The following TAF1A variants were observed in gnomAD, a reference collection of about 807,000 sequenced individuals.
The protein encoded by TAF1A is TATA box-binding protein-associated factor RNA polymerase I subunit A.
In TAF1A, 42 loss-of-function variants were observed where a neutral mutation model predicts 61.6. The ratio of observed to expected loss-of-function variants is 0.68; its 90% CI spans 0.53 to 0.88. TAF1A has a LOEUF of 0.88. Among genes scored for constraint, TAF1A ranks in the 40% least tolerant of loss-of-function variants. The pLI is 0.00. For synonymous variants in TAF1A, 179 were observed against 177.7 expected (o/e 1.01, Z -0.06); for missense variants, 424 against 518.7 (o/e 0.82, Z 1.77).
intron 2 of TAF1A, 148 bp from the exon 3 acceptor site, chr1:222,584,445 G>A: frequency 3.3e-6 from 2 of 614,434 alleles, no homozygotes; most frequent in South Asian, 5.0e-5. Flanking sequence ...AGCTTCACTT[G>A]AAACAAACCC....
chr1:222,582,641 C>A (rs1379070955), intron 3 of TAF1A, among the ~76,000 whole-genome samples: 1 of 152,196 alleles, frequency 6.6e-6, no homozygotes, highest in African/African-American at 2.4e-5. Flanking sequence ...AAAACCTGTA[C>A]ACAAATGTTC....
chr1:222,582,106 T>C (rs1361763005), intron 3 of TAF1A, among the ~76,000 whole-genome samples: 1 of 152,208 alleles, frequency 6.6e-6, no homozygotes. Flanking sequence ...AGCAAAGGTG[T>C]CACTATCTCA....
At chr1:222,573,341 T>C (rs1660438232) in intron 5 of TAF1A, among the ~76,000 whole-genome samples, 3 of 152,088 alleles carry the variant, frequency 2.0e-5, no homozygotes, top group Non-Finnish European at 4.4e-5. Flanking sequence ...TATTTCCAAG[T>C]CATGAATCTG....
intron 4 of TAF1A, among the ~76,000 whole-genome samples, 180 bp downstream of exon 4, chr1:222,579,579 G>A (rs543244913): frequency 3.9e-5 from 6 of 152,208 alleles, no homozygotes; most frequent in South Asian, 2.1e-4. Context: ...CACAGGAGGC[G>A]CCTGAAAATC....
chr1:222,558,629 G>A lies in TAF1A; in HGVS notation c.*31C>T. 2.4e-6 allele frequency: 3 copies of A among 1,231,764 alleles called. No homozygotes were observed. The highest frequency in any genetic ancestry group is 3.4e-6 in the Non-Finnish European group (3 of 880,662). The allele number at this position is 1,231,764 out of a possible 1,614,324, so 76.3% of individuals were successfully genotyped here. A position where few individuals can be genotyped will look rare whatever the true frequency, so the allele number is the denominator to read the frequency against. On this transcript the variant is annotated 3_prime_UTR_variant, in exon 11 of 11. Transcript: ENST00000352967. Reference sequence around the variant, plus strand: ...TATCTACCAAGCTACTTACTGTGTAGCTACAACTGTGAAATAACTAAAATT... The same window carrying A: ...TATCTACCAAGCTACTTACTGTGTAACTACAACTGTGAAATAACTAAAATT...
rs1461753743 is a variant in TAF1A at position 222,561,491 on chromosome 1, CTCT to C, written c.1110_1112del (p.Glu371del). On this transcript the variant is annotated inframe_deletion, in exon 10 of 11. Transcript: ENST00000352967. Reference sequence around the variant, plus strand: ...GCCACCAGTTTTTCCTGGAGTTCCACTCTTCTTGAACCCACGCAAGGTGGTTTC... The same window carrying C: ...GCCACCAGTTTTTCCTGGAGTTCCACTCTTGAACCCACGCAAGGTGGTTTC... 9.9e-6 allele frequency: 16 copies of C among 1,611,684 alleles called. No individual in the cohort carries two copies. The highest frequency in any genetic ancestry group is 1.4e-5 in the Non-Finnish European group (16 of 1,178,866).
chr1:222,571,671 G>C (rs1660357138), intron 5 of TAF1A, among the ~76,000 whole-genome samples: 1 of 151,932 alleles, frequency 6.6e-6, no homozygotes, highest in South Asian at 2.1e-4. Flanking sequence ...TTTTACAAAA[G>C]AGATGCAAAA....
At chr1:222,566,528 G>C (rs1660123894) in intron 7 of TAF1A, among the ~76,000 whole-genome samples, 1 of 152,190 alleles carries the variant, frequency 6.6e-6, no homozygotes, top group African/African-American at 2.4e-5. Context: ...GATCCCATCT[G>C]GGGGTGATGG....
intron 10 of TAF1A, among the ~76,000 whole-genome samples, chr1:222,560,334 T>C (rs939627045): frequency 1.3e-5 from 2 of 152,166 alleles, no homozygotes; most frequent in African/African-American, 4.8e-5. Context: ...ACTTTAGAAA[T>C]TACAAAGCAC....
intron 3 of TAF1A, among the ~76,000 whole-genome samples, chr1:222,581,691 C>T (rs899166957): frequency 1.3e-5 from 2 of 152,058 alleles, no homozygotes; most frequent in Admixed American, 6.6e-5. Flanking sequence ...TCAAAGTAGG[C>T]CTCAATGAAA....
rs776622228 is a variant in TAF1A at position 222,558,773 on chromosome 1, C to A, written c.1241-1G>T. 13 of 1,469,836 alleles carry A rather than the reference C, an allele frequency of 8.8e-6. No homozygotes were observed. Among genetic ancestry groups the A allele is most frequent in the Middle Eastern group, 1.8e-4 (1 of 5,428 alleles). 91.0% of individuals were successfully genotyped at this position (1,469,836 alleles called of 1,614,324 possible). On this transcript the variant is annotated splice_acceptor_variant, in intron 10 of 10. Transcript: ENST00000352967. LOFTEE classifies it high-confidence loss of function. ...AAAATATACCGGAAATATCTACAAC[C>A]TAAAAAGTTAAGCAAAATAAAAAGT... is the stretch of plus-strand genomic sequence containing the variant.
chr1:222,567,162 T>C (rs562240851), intron 7 of TAF1A, among the ~76,000 whole-genome samples: 1 of 152,338 alleles, frequency 6.6e-6, no homozygotes, highest in South Asian at 2.1e-4. Context: ...GGATGAACCT[T>C]GAAAACATTA....
chr1:222,560,363 T>C (rs904900835), intron 10 of TAF1A, among the ~76,000 whole-genome samples: 2 of 152,350 alleles, frequency 1.3e-5, no homozygotes, highest in South Asian at 4.1e-4. Context: ...GATGTTCACA[T>C]GATACTTACA....
At chr1:222,562,912 C>A (rs1659971551) in intron 9 of TAF1A, among the ~76,000 whole-genome samples, 1 of 152,068 alleles carries the variant, frequency 6.6e-6, no homozygotes, top group South Asian at 2.1e-4. Context: ...AAATGGAAAA[C>A]ACATACGTAT....
At position 222,589,868 on chromosome 1, in the gene TAF1A, C is replaced by A. The variant is rs1218687790; in HGVS notation, c.-144G>T. The A allele has an allele frequency of 5.1e-6, 2 of 394,504 alleles. No homozygotes were observed. Among genetic ancestry groups the A allele is most frequent in the Non-Finnish European group, 8.9e-6 (2 of 224,046 alleles). 24.4% of individuals were successfully genotyped at this position (394,504 alleles called of 1,614,324 possible). A position where few individuals can be genotyped will look rare whatever the true frequency, so the allele number is the denominator to read the frequency against. ...CTGGTTTAGGTATTTAGGCAGCGCG[C>A]GGCCCGGCTCGTAACTCCTCCTGCT... is the stretch of plus-strand genomic sequence containing the variant. On this transcript the variant is annotated 5_prime_UTR_variant, in exon 1 of 11. Coordinates refer to ENST00000352967, the MANE Select transcript of TAF1A (RefSeq NM_005681.4).
At position 222,588,480 on chromosome 1, in the gene TAF1A, C is replaced by T. The variant is rs765147875; in HGVS notation, c.84G>A (p.Met28Ile). The T allele has an allele frequency of 1.2e-6, 2 of 1,613,858 alleles. No homozygotes were observed. Among genetic ancestry groups the T allele is most frequent in the Non-Finnish European group, 1.7e-6 (2 of 1,179,942 alleles). Reference protein sequence around the residue: ...VETSVLSGAGMHFPWLQTYVE... With the variant: ...VETSVLSGAGIHFPWLQTYVE... Reference sequence around the variant, plus strand: ...CGTATGTTTGAAGCCAAGGAAAATGCATTCCTGCACCACTGAGCACAGATG... The same window carrying T: ...CGTATGTTTGAAGCCAAGGAAAATGTATTCCTGCACCACTGAGCACAGATG... The change falls in exon 2 of 11, where the codon ATG (methionine) becomes ATA (isoleucine). Residue 28 changes from methionine (M) to isoleucine (I), a missense_variant. Coordinates refer to ENST00000352967, the MANE Select transcript of TAF1A (RefSeq NM_005681.4).
intron 8 of TAF1A, 82 bp from the exon 9 acceptor site, chr1:222,563,378 C>G: frequency 7.2e-7 from 1 of 1,390,478 alleles, no homozygotes; most frequent in East Asian, 2.4e-5. Context: ...ATTTTATCAA[C>G]TGTATATATA....
At chr1:222,583,092 C>T (rs1031640191) in intron 3 of TAF1A, among the ~76,000 whole-genome samples, 2 of 152,042 alleles carry the variant, frequency 1.3e-5, no homozygotes, top group Admixed American at 1.3e-4. Context: ...GGCTGAGGTA[C>T]AAGAATCACT....
rs371630309 is a variant in TAF1A at position 222,579,816 on chromosome 1, C to G, written c.348G>C (p.Glu116Asp). The change falls in exon 4 of 11, where the codon GAG becomes GAC. Residue 116 changes from glutamate to aspartate, a missense_variant. Physicochemically the swap from Glu to Asp is conservative, Grantham distance 45. Transcript: ENST00000352967. ...TCCGGTTAGCAAAAGTATTGAAACTCTCCATGTTGCTTTTGGGATGATAAA... is the reference window on the plus strand; with the variant it reads ...TCCGGTTAGCAAAAGTATTGAAACTGTCCATGTTGCTTTTGGGATGATAAA... ...ILFYHPKSNMESFNTFANRMK... is the reference protein window; with the variant it reads ...ILFYHPKSNMDSFNTFANRMK... The G allele has an allele frequency of 7.4e-6, 12 of 1,611,342 alleles. No homozygotes were observed. Among genetic ancestry groups the G allele is most frequent in the Non-Finnish European group, 1.0e-5 (12 of 1,179,348 alleles).
Sources: allele counts gnomAD v4.1 joint callset (sites outside exome capture counted in the v4.1 genomes callset), GRCh38; gene constraint gnomAD v4.1.1; transcripts MANE v1.5; gene names NCBI Gene and HGNC (gene_info 2026-07-23, HGNC 2026-07-21).